Variants in CNTN6 observed in about 807,000 individuals in gnomAD.
CNTN6 encodes contactin-6.
In CNTN6, 137 loss-of-function variants were observed where a neutral mutation model predicts 122.8. That is an observed-to-expected ratio of 1.12 (90% CI 0.97 to 1.29). The LOEUF is 1.29. Ranked by LOEUF, CNTN6 falls within the 50% of genes most tolerant of loss-of-function variation. The pLI is 0.00. For missense variants in CNTN6, 1,634 were observed against 1,223.4 expected, an observed-to-expected ratio of 1.34 and a Z score of -5.01; for synonymous variants, 570 against 426.0, an observed-to-expected ratio of 1.34 and a Z score of -4.16.
intron 1 of CNTN6, among the ~76,000 whole-genome samples, chr3:1,111,520 A>G (rs1408807819): frequency 6.6e-6 from 1 of 152,174 alleles, no homozygotes; most frequent in Admixed American, 6.6e-5. Context: ...GCTTTTGCCA[A>G]AATTAACGCA....
At chr3:1,253,851 G>T (rs1282422993) in intron 4 of CNTN6, among the ~76,000 whole-genome samples, 1 of 152,114 alleles carries the variant, frequency 6.6e-6, no homozygotes, top group African/African-American at 2.4e-5. Flanking sequence ...CCAGTGGTTG[G>T]GGACTGCTGA....
chr3:1,327,448 C>T lies in CNTN6; in HGVS notation c.1084-9C>T, dbSNP rs757250798. The T allele has an allele frequency of 1.9e-6, 3 of 1,608,444 alleles. No homozygotes were observed. The highest frequency in any genetic ancestry group is 2.7e-5 in the African/African-American group (2 of 74,560). ...TACAAGCATCTTTATATGCCTTTTC[C>T]TTTATTAGGAGAGAATTCAAATAGA... On this transcript the variant is annotated splice_polypyrimidine_tract_variant and intron_variant, in intron 9 of 22. Coordinates refer to ENST00000446702, the MANE Select transcript of CNTN6 (RefSeq NM_001289080.2).
intron 20 of CNTN6, among the ~76,000 whole-genome samples, chr3:1,388,615 G>A (rs1693574150): frequency 6.7e-6 from 1 of 148,300 alleles, no homozygotes; most frequent in South Asian, 2.1e-4. Flanking sequence ...AAATTACTCT[G>A]AGCTACGGGA....
intron 4 of CNTN6, among the ~76,000 whole-genome samples, chr3:1,262,735 C>G (rs549994118): frequency 6.6e-6 from 1 of 151,996 alleles, no homozygotes; most frequent in African/African-American, 2.4e-5. Context: ...GTAACCAGTT[C>G]AGTGACCTTT....
intron 20 of CNTN6, among the ~76,000 whole-genome samples, chr3:1,390,551 A>T (rs1374356875): frequency 6.6e-6 from 1 of 152,206 alleles, no homozygotes; most frequent in African/African-American, 2.4e-5. Context: ...AGAAAGAAAT[A>T]ACTAAAATCA....
At position 1,298,670 on chromosome 3, in the gene CNTN6, GAC is replaced by G. The variant is rs1696696941; in HGVS notation, c.761+681_761+682del. On this transcript the variant is annotated intron_variant, in intron 7 of 22. Transcript: ENST00000446702. ...TATAAACACCAGAAAAAAAGAAGGA[GAC>G]AGATAGACTAGACTGTCATTTTCAA... Among the ~76,000 whole-genome samples the G allele has an allele frequency of 2.0e-5, 3 of 152,258 alleles. No homozygotes were observed. In the East Asian group the frequency reaches 5.8e-4, roughly 29 times the overall value.
At chr3:1,326,680 C>A (rs540565888) in intron 9 of CNTN6, among the ~76,000 whole-genome samples, 1 of 151,938 alleles carries the variant, frequency 6.6e-6, no homozygotes, top group East Asian at 2.0e-4. Context: ...TTTTACTTTG[C>A]ACATGTAGGC....
chr3:1,094,376 T>C (rs1464497292), intron 1 of CNTN6, among the ~76,000 whole-genome samples: 1 of 152,190 alleles, frequency 6.6e-6, no homozygotes, highest in East Asian at 1.9e-4. Flanking sequence ...ACAGAAGCAT[T>C]TCATCTTTGA....
chr3:1,354,550 G>C (rs1559904945), intron 12 of CNTN6, among the ~76,000 whole-genome samples: 1 of 150,764 alleles, frequency 6.6e-6, no homozygotes, highest in Non-Finnish European at 1.5e-5. Flanking sequence ...TACTTATTAT[G>C]GTTTTTTTTC....
At chr3:1,102,764 G>T (rs1266248858) in intron 1 of CNTN6, among the ~76,000 whole-genome samples, 15 of 148,748 alleles carry the variant, frequency 1.0e-4, no homozygotes, top group Non-Finnish European at 1.5e-5. Flanking sequence ...AAATAGACAT[G>T]CATTAAAATA....
intron 2 of CNTN6, among the ~76,000 whole-genome samples, chr3:1,180,963 T>C (rs898563354): frequency 6.6e-6 from 1 of 152,306 alleles, no homozygotes; most frequent in Middle Eastern, 3.4e-3. Context: ...TTTTTTACTT[T>C]TTTTTCTTTG....
intron 12 of CNTN6, among the ~76,000 whole-genome samples, chr3:1,362,891 T>TA: frequency 6.6e-6 from 1 of 151,016 alleles, no homozygotes; most frequent in South Asian, 2.1e-4. Context: ...AAAAATCAGA[T>TA]AAAAAAGATA....
In CNTN6 at chr3:1,401,555, T is replaced by C; in HGVS notation, c.2817+10T>C. On this transcript the variant is annotated intron_variant, in intron 21 of 22. Transcript: ENST00000446702. The stretch of plus-strand genomic sequence containing the variant: ...AGTTTTGGGGTACAAGGTGAGTTTT[T>C]AGTTTTTCCTTTAATCATATCAATT... 6.3e-7 allele frequency: 1 copy of C among 1,577,380 alleles called. No homozygotes were observed.
chr3:1,321,076 G>A (rs1700777881), intron 7 of CNTN6, among the ~76,000 whole-genome samples: 1 of 151,442 alleles, frequency 6.6e-6, no homozygotes, highest in Non-Finnish European at 1.5e-5. Context: ...ATATGGGTCT[G>A]TTTTATAGTG....
intron 7 of CNTN6, among the ~76,000 whole-genome samples, chr3:1,305,354 A>G (rs1222620654): frequency 6.6e-6 from 1 of 152,220 alleles, no homozygotes; most frequent in African/African-American, 2.4e-5. Flanking sequence ...TTTAATTGCT[A>G]TGACTTTGGG....
At chr3:1,095,996 A>C (rs2090504570) in intron 1 of CNTN6, among the ~76,000 whole-genome samples, 1 of 152,184 alleles carries the variant, frequency 6.6e-6, no homozygotes, top group Non-Finnish European at 1.5e-5. Context: ...TCTCCACCAA[A>C]GAAATAGTCA....
chr3:1,213,199 C>T (rs867949470), intron 2 of CNTN6, among the ~76,000 whole-genome samples: 1 of 152,128 alleles, frequency 6.6e-6, no homozygotes, highest in Middle Eastern at 3.2e-3. Flanking sequence ...ATTTGGACTA[C>T]ATGAAGTTTA....
chr3:1,314,305 A>T (rs889110636), intron 7 of CNTN6, among the ~76,000 whole-genome samples: 2 of 152,074 alleles, frequency 1.3e-5, no homozygotes, highest in Non-Finnish European at 2.9e-5. Flanking sequence ...TGGTTTTGTT[A>T]TTCTGCTTCA....
chr3:1,243,541 G>A (rs2094517756), intron 4 of CNTN6, among the ~76,000 whole-genome samples: 1 of 151,916 alleles, frequency 6.6e-6, no homozygotes, highest in Non-Finnish European at 1.5e-5. Context: ...ACGGCCTTTT[G>A]ACCTTTTAGG....
Sources: allele counts gnomAD v4.1 joint callset (sites outside exome capture counted in the v4.1 genomes callset), GRCh38; gene constraint gnomAD v4.1.1; transcripts MANE v1.5; gene names NCBI Gene and HGNC (gene_info 2026-07-23, HGNC 2026-07-21).